Variants in PEX1 observed in about 807,000 individuals in gnomAD.
The protein encoded by PEX1 is peroxisomal biogenesis factor 1, also known as peroxisomal ATPase PEX1.
Under a neutral mutation model 152.5 loss-of-function variants are expected in PEX1, and 97 were observed. The observed-to-expected ratio is 0.64, with a 90% CI of 0.54 to 0.75. PEX1 has a LOEUF of 0.75. Ranked by LOEUF, PEX1 falls within the 30% of genes least tolerant of loss-of-function variation. The pLI is 0.00. For missense variants in PEX1, 1,357 were observed against 1,516.3 expected (o/e 0.89, Z 1.74); for synonymous variants, 485 against 531.6 (o/e 0.91, Z 1.21).
At chr7:92,498,876 T>A (rs1429859002) in intron 16 of PEX1, among the ~76,000 whole-genome samples, 1 of 152,222 alleles carries the variant, frequency 6.6e-6, no homozygotes, top group Admixed American at 6.5e-5. Context: ...TCTACTCCCT[T>A]TAAGAATGGT....
At chr7:92,516,887 G>A (rs563565975) in intron 5 of PEX1, among the ~76,000 whole-genome samples, 1 of 152,262 alleles carries the variant, frequency 6.6e-6, no homozygotes, top group East Asian at 1.9e-4. Context: ...TTAACAAGTT[G>A]CTTTCGGTAA....
chr7:92,514,784 G>A (rs1792646013), intron 5 of PEX1, among the ~76,000 whole-genome samples: 1 of 152,116 alleles, frequency 6.6e-6, no homozygotes, highest in Non-Finnish European at 1.5e-5. Context: ...GGGCGCAGTG[G>A]CTCACGCCTG....
chr7:92,508,875 A>C (rs1306171622), intron 9 of PEX1, among the ~76,000 whole-genome samples: 1 of 152,212 alleles, frequency 6.6e-6, no homozygotes, highest in Non-Finnish European at 1.5e-5. Context: ...CAGTAATACA[A>C]GACAGTGAAG....
chr7:92,488,233 A>G (rs778286363), intron 23 of PEX1, among the ~76,000 whole-genome samples: 10 of 152,226 alleles, frequency 6.6e-5, no homozygotes, highest in Non-Finnish European at 1.5e-4. Flanking sequence ...ATAGGAAAAC[A>G]TATATAAGCA....
At chr7:92,494,262 G>T in intron 19 of PEX1, 31 bp downstream of exon 19, 2 of 1,470,554 alleles carry the variant, frequency 1.4e-6, no homozygotes, top group Non-Finnish European at 1.9e-6. Flanking sequence ...AGCATTTGTT[G>T]GGTTTTGGAC....
rs926152571 is a variant in PEX1, at chr7:92,506,317, C to T, written c.1831G>A (p.Ala611Thr). ...TTGTCAAATGCTTCTTTACAGATTG[C>T]TTTGGCTAAAGTTGATTTTCCACTT... ...KGSGKSTLAK[A>T]ICKEAFDKLD... is the part of the protein sequence containing the mutation. Residue 611 changes from alanine to threonine, a missense_variant, in exon 11 of 24, where the codon GCA becomes ACA. By Grantham distance (58) the Ala-to-Thr change is moderately conservative. Transcript: ENST00000248633. The T allele has an allele frequency of 6.2e-7, 1 of 1,610,742 alleles. No homozygotes were observed. Among genetic ancestry groups the T allele is most frequent in the East Asian group, 2.2e-5 (1 of 44,808 alleles).
At chr7:92,492,010 A>G (rs1397069069) in intron 20 of PEX1, among the ~76,000 whole-genome samples, 1 of 152,210 alleles carries the variant, frequency 6.6e-6, no homozygotes, top group Non-Finnish European at 1.5e-5. Flanking sequence ...TAATAGAATA[A>G]TCCTTCCTAG....
intron 2 of PEX1, among the ~76,000 whole-genome samples, chr7:92,520,770 C>G (rs1482167570): frequency 6.6e-6 from 1 of 152,034 alleles, no homozygotes; most frequent in East Asian, 1.9e-4. Context: ...AAGAGAGAGA[C>G]ATGTTAAATG....
intron 15 of PEX1, 122 bp from the exon 16 acceptor site, chr7:92,499,960 A>C: frequency 1.4e-6 from 1 of 716,820 alleles, no homozygotes. Context: ...ATCTTTCTTT[A>C]GTAACAGCAA....
rs1793089819 is a variant in PEX1 at position 92,522,383 on chromosome 7, G to C, written c.130-138C>G. On this transcript the variant is annotated intron_variant, in intron 1 of 23. Coordinates refer to ENST00000248633, the MANE Select transcript of PEX1 (RefSeq NM_000466.3). Reference sequence around the variant, plus strand: ...TTCTCTGTTATCTACATTTGTTGTAGCATTTAAAAATCTATAATCATTTCC... The same window carrying C: ...TTCTCTGTTATCTACATTTGTTGTACCATTTAAAAATCTATAATCATTTCC... 4 of 845,054 alleles carry C rather than the reference G, an allele frequency of 4.7e-6. No homozygotes were observed. In the South Asian group the frequency reaches 5.0e-5, roughly 11 times the overall value. The allele number at this position is 845,054 out of a possible 1,614,324, so 52.3% of individuals were successfully genotyped here. A position where few individuals can be genotyped will look rare whatever the true frequency, so the allele number is the denominator to read the frequency against.
At position 92,512,029 on chromosome 7, in the gene PEX1, G is replaced by A. The variant is rs572863353; in HGVS notation, c.1360-326C>T. 3.3e-5 allele frequency among the ~76,000 whole-genome samples: 5 copies of A among 152,260 alleles called. No individual in the cohort carries two copies. The East Asian group carries it at 9.7e-4, about 29-fold the overall frequency. ...TTTCCTCCCTCTACGATAAAGACAG[G>A]AAAACAAATTCCTTTTTCTTTGAGA... is the stretch of plus-strand genomic sequence containing the variant. On this transcript the variant is annotated intron_variant, in intron 6 of 23. Coordinates refer to ENST00000248633, the MANE Select transcript of PEX1 (RefSeq NM_000466.3).
intron 6 of PEX1, among the ~76,000 whole-genome samples, chr7:92,512,125 C>T (rs1027127635): frequency 5.3e-5 from 8 of 150,060 alleles, no homozygotes; most frequent in Admixed American, 6.6e-5. Context: ...CTCTGCCTCC[C>T]GGGTTCAAGC....
At chr7:92,489,489 G>A in intron 22 of PEX1, 66 bp from the exon 23 acceptor site, 1 of 1,388,228 alleles carries the variant, frequency 7.2e-7, no homozygotes, top group Non-Finnish European at 1.0e-6. Flanking sequence ...TGGTAGTCCA[G>A]TTGTTACTTC....
chr7:92,505,379 C>G (rs1792139685), intron 11 of PEX1, among the ~76,000 whole-genome samples: 1 of 148,188 alleles, frequency 6.7e-6, no homozygotes, highest in African/African-American at 2.5e-5. Context: ...CACCACTGCA[C>G]TCCAGCCTGG....
At chr7:92,518,289 T>A (rs1246535707) in intron 3 of PEX1, 34 bp from the exon 4 acceptor site, 1 of 1,348,366 alleles carries the variant, frequency 7.4e-7, no homozygotes, top group African/African-American at 1.4e-5. Flanking sequence ...CAATTCACTT[T>A]ACATTTTGTC....
At chr7:92,513,342 G>A (rs191790002) in intron 6 of PEX1, among the ~76,000 whole-genome samples, 3 of 151,902 alleles carry the variant, frequency 2.0e-5, no homozygotes, top group African/African-American at 7.3e-5. Flanking sequence ...AAACAAATGT[G>A]GTATATGCAG....
chr7:92,508,707 T>G (rs1792315161), intron 9 of PEX1, among the ~76,000 whole-genome samples: 1 of 152,132 alleles, frequency 6.6e-6, no homozygotes, highest in Non-Finnish European at 1.5e-5. Flanking sequence ...TAAGAGGTAG[T>G]GTTTATAAGA....
In PEX1 at chr7:92,528,404, C is replaced by T. The variant is rs1793403052; in HGVS notation, c.32G>A (p.Gly11Glu). ...CACAGTCACTGCCGCCCCGCCTCCC[C>T]CAGCACCCGCCAGGCGATCGCTGCC... MWGSDRLAGA[G>E]GGGAAVTVAF... The change falls in exon 1 of 24, where the codon GGG becomes GAG. Residue 11 changes from glycine (G) to glutamate (E), a missense_variant. Transcript: ENST00000248633. 1 of 1,595,876 alleles carries T rather than the reference C, an allele frequency of 6.3e-7. No individual in the cohort carries two copies. The highest frequency in any genetic ancestry group is 1.3e-5 in the African/African-American group (1 of 74,608).
rs767491362 is a variant in PEX1 at position 92,504,781 on chromosome 7, C to T, written c.2022G>A (p.Pro674=). 1.3e-5 allele frequency: 21 copies of T among 1,614,014 alleles called. No individual in the cohort carries two copies. The highest frequency in any genetic ancestry group is 4.0e-5 in the African/African-American group (3 of 74,912). ...LDLIAGLPAV[P]EHEHSPDAVQ... is the part of the protein sequence containing the mutation. ...CCGCATCAGGACTGTGCTCATGTTC[C>T]GGGACAGCAGGCAGTCCAGCAATGA... The change falls in exon 12 of 24, where the codon CCG becomes CCA. Residue 674 remains proline, a synonymous_variant. Transcript: ENST00000248633.
Sources: gnomAD v4.1 joint callset for allele counts (sites outside exome capture counted in the v4.1 genomes callset) on GRCh38, gnomAD v4.1.1 for gene constraint, MANE v1.5 for transcripts, NCBI Gene and HGNC (gene_info 2026-07-23, HGNC 2026-07-21) for gene names.